The following CYTH3 variants were observed in gnomAD, a reference collection of about 807,000 sequenced individuals.
CYTH3 encodes the protein cytohesin 3.
Under a neutral mutation model 55.1 loss-of-function variants are expected in CYTH3, and 23 were observed. The ratio of observed to expected loss-of-function variants is 0.42; its 90% CI spans 0.30 to 0.59. CYTH3 has a LOEUF of 0.59. Ranked by LOEUF, CYTH3 falls within the 20% of genes least tolerant of loss-of-function variation. The probability of loss-of-function intolerance (pLI) is 0.20; values close to 1 mark genes in which losing one functional copy is unlikely to be tolerated. For synonymous variants in CYTH3, 249 were observed against 194.9 expected (o/e 1.28, Z -2.31); for missense variants, 413 against 524.8 (o/e 0.79, Z 2.08).
chr7:6,216,788 C>A (rs1227632026), intron 1 of CYTH3, among the ~76,000 whole-genome samples: 1 of 147,300 alleles, frequency 6.8e-6, no homozygotes. Flanking sequence ...TACATACACA[C>A]ACATATGTCA....
In CYTH3 at chr7:6,177,839, C is replaced by T. The variant is rs780144942; in HGVS notation, c.352G>A (p.Asp118Asn). The T allele has an allele frequency of 6.2e-7, 1 of 1,613,888 alleles. No individual in the cohort carries two copies. The highest frequency in any genetic ancestry group is 1.3e-5 in the African/African-American group (1 of 75,046). The change falls in exon 5 of 13, where the codon GAC becomes AAC. Residue 118 changes from aspartate to asparagine, a missense_variant. Physicochemically the swap from Asp to Asn is conservative, Grantham distance 23. This residue lies in a region of CYTH3 where 152 missense variants were observed against 148.1 expected (regional missense o/e 1.03). Transcript: ENST00000350796. ...GEGLNKTVIG[D>N]YLGERDEFNI... ...CTAACTCACCTTTCACCCAGGTAGT[C>T]CCCAATGACGGTCTTATTTAGGCCT...
At chr7:6,242,121 G>A (rs1301039200) in intron 1 of CYTH3, among the ~76,000 whole-genome samples, 10 of 152,178 alleles carry the variant, frequency 6.6e-5, no homozygotes, top group African/African-American at 2.4e-4. Context: ...CTGTCACCCA[G>A]GCTGGAGTGC....
intron 9 of CYTH3, among the ~76,000 whole-genome samples, chr7:6,168,860 G>T (rs1253717237): frequency 2.0e-5 from 3 of 152,192 alleles, no homozygotes; most frequent in Non-Finnish European, 4.4e-5. Flanking sequence ...GTCCCTCGAG[G>T]GGACACTGGT....
At chr7:6,243,496 A>G (rs1181968586) in intron 1 of CYTH3, among the ~76,000 whole-genome samples, 1 of 152,172 alleles carries the variant, frequency 6.6e-6, no homozygotes, top group East Asian at 1.9e-4. Context: ...GTTGGTTAAG[A>G]GTTTTTTCCA....
chr7:6,272,609 TCAGCGCGCGGCC>T lies in CYTH3; in HGVS notation c.-114_-103del, dbSNP rs1340118816. ...AGCGCGCAGGCGACCGGGCGGCTCC[TCAGCGCGCGGCC>T]CGGGTCGCGGCCGGGCCTCCTCCCG... On this transcript the variant is annotated 5_prime_UTR_variant, in exon 1 of 13. Transcript: ENST00000350796. The T allele has an allele frequency of 1.4e-5, 13 of 911,310 alleles. No homozygotes were observed. The highest frequency in any genetic ancestry group is 1.7e-5 in the Non-Finnish European group (13 of 743,990). 56.5% of individuals were successfully genotyped at this position (911,310 alleles called of 1,614,324 possible).
chr7:6,210,084 T>A lies in CYTH3; in HGVS notation c.35-19553A>T, dbSNP rs75490781. ...GGACCCCAAGGACCCCAAAAGGAAA[T>A]GCTATTGTAAACCATAAACTTCAGT... is the stretch of plus-strand genomic sequence containing the variant. On this transcript the variant is annotated intron_variant, in intron 1 of 12. Coordinates refer to ENST00000350796, the MANE Select transcript of CYTH3 (RefSeq NM_004227.4). Among the ~76,000 whole-genome samples, 7 of 152,216 alleles carry A rather than the reference T, an allele frequency of 4.6e-5. No homozygotes were observed. In the East Asian group the frequency reaches 1.4e-3, roughly 29 times the overall value.
Position 6,170,909 on chromosome 7 carries a change from T to C in CYTH3, c.632A>G (p.Asp211Gly). Reference sequence around the variant, plus strand: ...GATGAACCGTTCTGCCGTGGGCTTGTCACGCACGTTGTGGTTGTGGAGGCT... The same window carrying C: ...GATGAACCGTTCTGCCGTGGGCTTGCCACGCACGTTGTGGTTGTGGAGGCT... ...NTSLHNHNVR[D>G]KPTAERFIAM... Residue 211 changes from aspartate to glycine, a missense_variant, in exon 8 of 13, where the codon GAC becomes GGC. Physicochemically the swap from Asp to Gly is moderately conservative, Grantham distance 94. Transcript: ENST00000350796. This position sits in a 1 kb window ranked among gnomAD's most constrained non-coding sequence, Gnocchi z 7.8. 1 of 1,614,006 alleles carries C rather than the reference T, an allele frequency of 6.2e-7. No individual in the cohort carries two copies. Among genetic ancestry groups the C allele is most frequent in the Non-Finnish European group, 8.5e-7 (1 of 1,179,922 alleles).
intron 4 of CYTH3, among the ~76,000 whole-genome samples, chr7:6,184,011 G>C (rs927303450): frequency 2.4e-5 from 3 of 127,200 alleles, no homozygotes; most frequent in Non-Finnish European, 3.2e-5. Context: ...AGAACTGTAA[G>C]AAAATACATT....
At chr7:6,259,784 A>ATATTAT (rs1491413119) in intron 1 of CYTH3, among the ~76,000 whole-genome samples, 1 of 20,948 alleles carries the variant, frequency 4.8e-5, no homozygotes, top group African/African-American at 5.0e-4. Context: ...ATATATATAT[A>ATATTAT]ATATATATAT....
intron 2 of CYTH3, 93 bp from the exon 3 acceptor site, chr7:6,187,814 C>T (rs1024360348): frequency 5.0e-5 from 51 of 1,012,610 alleles, no homozygotes; most frequent in Middle Eastern, 2.3e-4. Flanking sequence ...ACAAGCTTCC[C>T]TGCGGTCTCA....
At chr7:6,255,292 G>C (rs550325231) in intron 1 of CYTH3, among the ~76,000 whole-genome samples, 1 of 152,186 alleles carries the variant, frequency 6.6e-6, no homozygotes, top group Non-Finnish European at 1.5e-5. Flanking sequence ...CATACAGAAA[G>C]TATGAATACA....
intron 2 of CYTH3, chr7:6,188,894 G>T (rs1375180164): frequency 6.6e-6 from 1 of 152,174 alleles, no homozygotes; most frequent in Non-Finnish European, 1.5e-5. Flanking sequence ...GGTAACCTTA[G>T]AAGAAAAATT....
chr7:6,208,119 G>T (rs180997854), intron 1 of CYTH3, among the ~76,000 whole-genome samples: 32 of 152,284 alleles, frequency 2.1e-4, no homozygotes, highest in Non-Finnish European at 3.7e-4. Context: ...TCAAGTGTAG[G>T]TATACACATC....
intron 1 of CYTH3, among the ~76,000 whole-genome samples, chr7:6,224,786 G>C (rs1283591957): frequency 3.3e-5 from 5 of 152,310 alleles, no homozygotes; most frequent in South Asian, 2.1e-4. Context: ...ATTTACAATA[G>C]CCAGAAGGTG....
chr7:6,216,076 A>G (rs1006726976), intron 1 of CYTH3, among the ~76,000 whole-genome samples: 2 of 152,242 alleles, frequency 1.3e-5, no homozygotes, highest in African/African-American at 4.8e-5. Flanking sequence ...GGAAATGATC[A>G]AAGAAGTCAT....
chr7:6,243,667 T>A (rs1779732164), intron 1 of CYTH3, among the ~76,000 whole-genome samples: 2 of 152,238 alleles, frequency 1.3e-5, no homozygotes, highest in Admixed American at 1.3e-4. Flanking sequence ...CAGCCAGCCA[T>A]TCCAAATGGA....
At chr7:6,176,240 T>G (rs1048943011) in intron 5 of CYTH3, among the ~76,000 whole-genome samples, 7 of 150,574 alleles carry the variant, frequency 4.6e-5, no homozygotes. Flanking sequence ...TGCTATTGTA[T>G]AGAAATACAA....
chr7:6,234,526 T>C (rs1171410481), intron 1 of CYTH3, among the ~76,000 whole-genome samples: 1 of 152,100 alleles, frequency 6.6e-6, no homozygotes, highest in Non-Finnish European at 1.5e-5. Context: ...ATAGAGGAAG[T>C]CACCATGGGA....
At chr7:6,188,194 G>A (rs1446496458) in intron 2 of CYTH3, among the ~76,000 whole-genome samples, 2 of 152,036 alleles carry the variant, frequency 1.3e-5, no homozygotes, top group African/African-American at 2.4e-5. Context: ...TTAGCTGAGT[G>A]TGGTGGTACA....
Sources: allele counts gnomAD v4.1 joint callset (sites outside exome capture counted in the v4.1 genomes callset), GRCh38; gene constraint gnomAD v4.1.1; regional missense constraint gnomAD v4.1.1; non-coding constraint Gnocchi (gnomAD v3.1); transcripts MANE v1.5; gene names NCBI Gene and HGNC (gene_info 2026-07-23, HGNC 2026-07-21).